Variants in SRPRA observed in about 807,000 individuals in gnomAD.
SRPRA encodes the protein signal recognition particle receptor subunit alpha.
Under a neutral mutation model 61.1 loss-of-function variants are expected in SRPRA, and 30 were observed. The ratio of observed to expected loss-of-function variants is 0.49; its 90% CI spans 0.37 to 0.67. SRPRA has a LOEUF of 0.67. Ranked by LOEUF, SRPRA falls within the 30% of genes least tolerant of loss-of-function variation. The pLI is 0.00. For missense variants in SRPRA, 759 were observed against 828.4 expected, an observed-to-expected ratio of 0.92 and a Z score of 1.03; for synonymous variants, 324 against 299.7, an observed-to-expected ratio of 1.08 and a Z score of -0.84.
chr11:126,237,453 A>T, the SRPRA span, among the ~76,000 whole-genome samples: 433 of 142,410 alleles, frequency 3.0e-3, 2 homozygotes, highest in African/African-American at 0.011. Context: ...GACCAGGCTG[A>T]TCTCAAACTC....
Position 126,264,969 on chromosome 11 carries a change from G to A in SRPRA, c.1515C>T (p.Ala505=), listed in dbSNP as rs146400745. Residue 505 remains alanine, a synonymous_variant, in exon 11 of 14, where the codon GCC becomes GCT. Coordinates refer to ENST00000332118, the MANE Select transcript of SRPRA (RefSeq NM_003139.4). The surrounding 1 kb of genome is among the most constrained non-coding windows in gnomAD (Gnocchi z 5.0). ...GKDAAGIAME[A]IAFARNQGFD... The stretch of plus-strand genomic sequence containing the variant: ...TCCCATGCACTGTACCAAAAGCAAT[G>A]GCTTCCATGGCAATGCCAGCAGCAT... The A allele has an allele frequency of 3.4e-5, 55 of 1,613,726 alleles. 1 individual carries two copies. The African/African-American group carries it at 7.2e-4, about 21-fold the overall frequency.
the SRPRA span, chr11:126,240,977 A>G: frequency 6.2e-7 from 1 of 1,614,116 alleles, no homozygotes; most frequent in Admixed American, 1.7e-5. Context: ...AAAAAGTTTC[A>G]GAAATGTCTC....
chr11:126,262,210 C>A (rs1365465609), downstream of SRPRA: 6 of 1,492,006 alleles, frequency 4.0e-6, no homozygotes, highest in African/African-American at 2.8e-5. Context: ...AGTAAACTTA[C>A]AAGAACCCAA....
intron 1 of SRPRA, 75 bp from the exon 2 acceptor site, chr11:126,268,161 T>C (rs1267028278): frequency 7.4e-7 from 1 of 1,342,778 alleles, no homozygotes; most frequent in East Asian, 2.3e-5. Context: ...TTGGATAACC[T>C]TTGGGAAAGA....
chr11:126,264,084 CT>C lies in SRPRA; in HGVS notation c.1789-41del. 1 of 1,613,724 alleles carries C rather than the reference CT, an allele frequency of 6.2e-7. No homozygotes were observed. Among genetic ancestry groups the C allele is most frequent in the Non-Finnish European group, 8.5e-7 (1 of 1,179,724 alleles). ...AGGACAGCCCATCAACACAAGCCCA[CT>C]TTTCACTCACCCTCTCAGGAACAGG... On this transcript the variant is annotated intron_variant, in intron 13 of 13. Coordinates refer to ENST00000332118, the MANE Select transcript of SRPRA (RefSeq NM_003139.4). This position sits in a 1 kb window ranked among gnomAD's most constrained non-coding sequence, Gnocchi z 5.0.
downstream of SRPRA, among the ~76,000 whole-genome samples, chr11:126,261,698 A>G (rs1045661216): frequency 2.0e-5 from 3 of 152,210 alleles, no homozygotes; most frequent in Non-Finnish European, 4.4e-5. Flanking sequence ...AATTTTTTGA[A>G]AAAAGTACTG....
At position 126,264,512 on chromosome 11, in the gene SRPRA, A is replaced by G. The variant is rs762807843; in HGVS notation, c.1553T>C (p.Leu518Pro). The change falls in exon 12 of 14, where the codon CTG (leucine) becomes CCG (proline). Residue 518 changes from leucine (L) to proline (P), a missense_variant. Transcript: ENST00000332118. This position sits in a 1 kb window ranked among gnomAD's most constrained non-coding sequence, Gnocchi z 5.0. ...FARNQGFDVVLVDTAGRMQDN... is the reference protein window; with the variant it reads ...FARNQGFDVVPVDTAGRMQDN... ...TTGCATGCGGCCTGCCGTGTCCACCAGCACCACGTCAAAGCCTTGGTTACG... is the reference window on the plus strand; with the variant it reads ...TTGCATGCGGCCTGCCGTGTCCACCGGCACCACGTCAAAGCCTTGGTTACG... 6.2e-7 allele frequency: 1 copy of G among 1,613,560 alleles called. No individual in the cohort carries two copies.
Position 126,264,662 on chromosome 11 carries a change from A to T in SRPRA, c.1526-123T>A. 8.1e-7 allele frequency: 1 copy of T among 1,233,702 alleles called. No homozygotes were observed. The highest frequency in any genetic ancestry group is 1.1e-6 in the Non-Finnish European group (1 of 904,832). 76.4% of individuals were successfully genotyped at this position (1,233,702 alleles called of 1,614,324 possible). ...TGTCTTGGGCTCTGGATTTGGTTCC[A>T]AGGTAATGTGAGAAAAACTTGATTA... is the stretch of plus-strand genomic sequence containing the variant. On this transcript the variant is annotated intron_variant, in intron 11 of 13. Coordinates refer to ENST00000332118, the MANE Select transcript of SRPRA (RefSeq NM_003139.4). The surrounding 1 kb of genome is among the most constrained non-coding windows in gnomAD (Gnocchi z 5.0).
intron 7 of SRPRA, 39 bp from the exon 8 acceptor site, chr11:126,266,120 T>G (rs1289497582): frequency 5.6e-6 from 9 of 1,612,344 alleles, no homozygotes; most frequent in Non-Finnish European, 7.6e-6. Flanking sequence ...ATAAAACCAG[T>G]AGGCAGGAGT....
chr11:126,262,886 G>A (rs1406811914), downstream of SRPRA: 1 of 152,514 alleles, frequency 6.6e-6, no homozygotes, highest in African/African-American at 2.4e-5. Flanking sequence ...AGTGTGTTGT[G>A]GAATTTTAGT....
downstream of SRPRA, chr11:126,262,262 G>C: frequency 1.0e-6 from 1 of 984,796 alleles, no homozygotes; most frequent in Non-Finnish European, 1.6e-6. Context: ...GTTGAAGGGC[G>C]GGGTAGAAGA....
chr11:126,261,375 A>G (rs767340282), downstream of SRPRA: 5 of 1,508,824 alleles, frequency 3.3e-6, no homozygotes, highest in Admixed American at 8.5e-5. Flanking sequence ...TTTGCTATTA[A>G]TAGTTTTAGC....
intron 1 of SRPRA, among the ~76,000 whole-genome samples, chr11:126,268,348 G>A (rs1950864944): frequency 1.3e-5 from 2 of 152,182 alleles, no homozygotes; most frequent in African/African-American, 2.4e-5. Flanking sequence ...ATTACTAGCA[G>A]CTATACACCA....
At chr11:126,238,229 G>A in the SRPRA span, among the ~76,000 whole-genome samples, 3 of 152,000 alleles carry the variant, frequency 2.0e-5, no homozygotes, top group African/African-American at 7.3e-5. Flanking sequence ...GGGTGTGGTG[G>A]CACGTGCCTG....
At chr11:126,256,706 G>A in the SRPRA span, 32 of 1,614,050 alleles carry the variant, frequency 2.0e-5, no homozygotes, top group South Asian at 4.4e-5. This position sits in a 1 kb window ranked among gnomAD's most constrained non-coding sequence, Gnocchi z 6.6. Flanking sequence ...ATGCTGGTTC[G>A]GAGAGGAGAC....
intron 1 of SRPRA, among the ~76,000 whole-genome samples, chr11:126,268,326 G>A (rs573520886): frequency 7.4e-4 from 112 of 152,332 alleles, no homozygotes; most frequent in African/African-American, 2.6e-3. Flanking sequence ...AAGTAGTCAT[G>A]TAAACAATCA....
At chr11:126,242,731 A>G in the SRPRA span, among the ~76,000 whole-genome samples, 2 of 152,218 alleles carry the variant, frequency 1.3e-5, no homozygotes, top group Admixed American at 6.5e-5. Context: ...GAAGACAATA[A>G]TAAGTGTTAT....
chr11:126,251,731 C>CT, the SRPRA span, among the ~76,000 whole-genome samples: 2,062 of 137,398 alleles, frequency 0.015, 29 homozygotes, highest in African/African-American at 0.037. Context: ...TAACTTGCAG[C>CT]TTTTTTTTTT....
At chr11:126,238,411 A>G in the SRPRA span, among the ~76,000 whole-genome samples, 1 of 152,082 alleles carries the variant, frequency 6.6e-6, no homozygotes, top group African/African-American at 2.4e-5. Context: ...AGGAATTCCC[A>G]CCTGTCAGAA....
Sources: allele counts gnomAD v4.1 joint callset (sites outside exome capture counted in the v4.1 genomes callset), GRCh38; gene constraint gnomAD v4.1.1; non-coding constraint Gnocchi (gnomAD v3.1); transcripts MANE v1.5; gene names NCBI Gene and HGNC (gene_info 2026-07-23, HGNC 2026-07-21).